Variants in PLS3 observed in about 807,000 individuals in gnomAD.
The protein encoded by PLS3 is plastin-3.
Under a neutral mutation model 46.5 loss-of-function variants are expected in PLS3, and 11 were observed. That is an observed-to-expected ratio of 0.24 (90% CI 0.15 to 0.39). The LOEUF is 0.39. Among genes scored for constraint, PLS3 ranks in the 10% least tolerant of loss-of-function variants. The pLI is 1.00. For missense variants in PLS3, 308 were observed against 461.8 expected (o/e 0.67, Z 3.05); for synonymous variants, 167 against 162.2 (o/e 1.03, Z -0.22).
At position 115,650,164 on chromosome X, in the gene PLS3, A is replaced by G. The variant is rs2074988951; in HGVS notation, c.*603A>G. On this transcript the variant is annotated 3_prime_UTR_variant, in exon 16 of 16. Coordinates refer to ENST00000355899, the MANE Select transcript of PLS3 (RefSeq NM_005032.7). The stretch of plus-strand genomic sequence containing the variant: ...CATGATCCTTTTTTGTACATTTAAG[A>G]ATATTTTGATTATATTAAACAAGAC... The G allele has an allele frequency of 8.9e-6, 1 of 111,811 alleles. No homozygotes were observed. 9.2% of individuals were successfully genotyped at this position (111,811 alleles called of 1,213,427 possible).
At chrX:115,577,481 ATT>A (rs201509852) in intron 1 of PLS3, among the ~76,000 whole-genome samples, 1 of 106,881 alleles carries the variant, frequency 9.4e-6, no homozygotes, top group African/African-American at 3.4e-5. Context: ...ATCACTCCTG[ATT>A]TTTTTTTTAA....
At chrX:115,642,936 G>A (rs1409817119) in intron 9 of PLS3, among the ~76,000 whole-genome samples, 2 of 111,828 alleles carry the variant, frequency 1.8e-5, no homozygotes, top group African/African-American at 6.5e-5. Context: ...GACAATTGAA[G>A]CTGTTTTCCT....
At chrX:115,607,643 C>T (rs1002082349) in intron 1 of PLS3, among the ~76,000 whole-genome samples, 29 of 110,446 alleles carry the variant, frequency 2.6e-4, no homozygotes, top group African/African-American at 9.2e-4. Context: ...GCCGGGATTA[C>T]AGGCACCCGC....
At chrX:115,640,182 T>C in intron 8 of PLS3, 1 of 938,716 alleles carries the variant, frequency 1.1e-6, no homozygotes, top group Non-Finnish European at 1.5e-6. Context: ...TATTGATGAC[T>C]TTAATAATTG....
chrX:115,643,176 A>G (rs1320151525), intron 9 of PLS3, 137 bp from the exon 10 acceptor site: 4 of 441,450 alleles, frequency 9.1e-6, no homozygotes, highest in African/African-American at 2.5e-5. Context: ...TTTTTTTTGC[A>G]TTCAAAACAA....
intron 1 of PLS3, among the ~76,000 whole-genome samples, chrX:115,590,015 A>G (rs1487203435): frequency 1.8e-5 from 2 of 111,158 alleles, no homozygotes; most frequent in Non-Finnish European, 3.8e-5. Flanking sequence ...CACAACACCA[A>G]TCTGGCTTTT....
At chrX:115,604,569 G>A (rs140632542) in intron 1 of PLS3, among the ~76,000 whole-genome samples, 2,060 of 111,587 alleles carry the variant, frequency 0.018, 17 homozygotes, top group Middle Eastern at 0.032. Context: ...CTAATTTCAC[G>A]TCCAACATCT....
chrX:115,584,465 A>G (rs1286862070), intron 1 of PLS3, among the ~76,000 whole-genome samples: 4 of 112,449 alleles, frequency 3.6e-5, no homozygotes, highest in Non-Finnish European at 7.5e-5. Flanking sequence ...TTTTGCACAT[A>G]TTATCTACAG....
intron 2 of PLS3, among the ~76,000 whole-genome samples, chrX:115,617,647 G>A (rs2074610198): frequency 8.9e-6 from 1 of 112,010 alleles, no homozygotes; most frequent in Non-Finnish European, 1.9e-5. Flanking sequence ...GAGATTTGCA[G>A]CCTAATAAGG....
intron 2 of PLS3, among the ~76,000 whole-genome samples, chrX:115,616,998 G>A (rs1276725320): frequency 1.3e-4 from 15 of 111,459 alleles, no homozygotes; most frequent in Non-Finnish European, 2.3e-4. Flanking sequence ...TGTCATCCAG[G>A]AAAGCCTAAG....
At chrX:115,630,844 T>C (rs1016599833) in intron 5 of PLS3, among the ~76,000 whole-genome samples, 16 of 92,968 alleles carry the variant, frequency 1.7e-4, no homozygotes, top group African/African-American at 6.6e-4. Flanking sequence ...TGTATATATA[T>C]GTATAATATA....
intron 1 of PLS3, among the ~76,000 whole-genome samples, chrX:115,591,483 A>G (rs1344058909): frequency 8.9e-6 from 1 of 111,894 alleles, no homozygotes; most frequent in Non-Finnish European, 1.9e-5. Flanking sequence ...GAAGAATTAC[A>G]TATTTAAAAC....
chrX:115,627,984 C>T (rs1299595524), intron 3 of PLS3, among the ~76,000 whole-genome samples: 1 of 111,631 alleles, frequency 9.0e-6, no homozygotes, highest in Non-Finnish European at 1.9e-5. Flanking sequence ...ACTGACAACA[C>T]ATACAGCAAC....
At chrX:115,615,116 C>T (rs903681698) in intron 2 of PLS3, among the ~76,000 whole-genome samples, 1 of 111,272 alleles carries the variant, frequency 9.0e-6, no homozygotes, top group Non-Finnish European at 1.9e-5. Context: ...ATTTATGAGA[C>T]AAAGTAGCAC....
At chrX:115,610,111 C>T (rs1164178923) in intron 1 of PLS3, 132 bp from the exon 2 acceptor site, 15 of 313,447 alleles carry the variant, frequency 4.8e-5, no homozygotes, top group Non-Finnish European at 7.2e-5. Context: ...TATGTAGAGA[C>T]ATGGTAACCT....
chrX:115,601,986 G>A (rs1415488305), intron 1 of PLS3, among the ~76,000 whole-genome samples: 1 of 111,729 alleles, frequency 9.0e-6, no homozygotes, highest in African/African-American at 3.3e-5. Flanking sequence ...CTGCTGCTGC[G>A]AGTGTGTCTG....
At chrX:115,581,629 G>C (rs781906774) in intron 1 of PLS3, among the ~76,000 whole-genome samples, 2 of 112,169 alleles carry the variant, frequency 1.8e-5, no homozygotes, top group East Asian at 5.6e-4. Flanking sequence ...GCTTTCTCAA[G>C]ATAAAGCTTT....
At chrX:115,595,855 A>T (rs966438349) in intron 1 of PLS3, among the ~76,000 whole-genome samples, 12 of 108,766 alleles carry the variant, frequency 1.1e-4, no homozygotes, top group Non-Finnish European at 9.5e-5. Context: ...CGCCCGGCTA[A>T]TTTTTGTGTT....
intron 1 of PLS3, among the ~76,000 whole-genome samples, chrX:115,581,528 AT>A (rs1426116997): frequency 8.9e-6 from 1 of 112,038 alleles, no homozygotes; most frequent in Non-Finnish European, 1.9e-5. Flanking sequence ...TATCAAACTG[AT>A]TAGGACTGAA....
Sources: allele counts gnomAD v4.1 joint callset (sites outside exome capture counted in the v4.1 genomes callset), GRCh38; gene constraint gnomAD v4.1.1; transcripts MANE v1.5; gene names NCBI Gene and HGNC (gene_info 2026-07-23, HGNC 2026-07-21).